The following RNF213 variants were observed in gnomAD, a reference collection of about 807,000 sequenced individuals.
The protein encoded by RNF213 is ring finger protein 213.
A neutral mutation model predicts 514.4 loss-of-function variants in RNF213; 341 were observed. The observed-to-expected ratio is 0.66, with a 90% confidence interval of 0.61 to 0.73. The LOEUF is 0.73. Among genes scored for constraint, RNF213 ranks in the 30% least tolerant of loss-of-function variants. The pLI, the probability that RNF213 is intolerant of heterozygous loss-of-function variation, is 0.00. For missense variants in RNF213, 5,767 were observed against 6,615.6 expected (o/e 0.87, Z 4.45); for synonymous variants, 2,655 against 2,658.2 (o/e 1.00, Z 0.04).
intron 2 of RNF213, among the ~76,000 whole-genome samples, chr17:80,273,034 C>CT (rs931464949): frequency 6.6e-6 from 1 of 152,102 alleles, no homozygotes; most frequent in Non-Finnish European, 1.5e-5. Context: ...TGATTCACCC[C>CT]TTGTTGTGCT....
chr17:80,300,358 C>T (rs534836776), intron 11 of RNF213, among the ~76,000 whole-genome samples: 2 of 151,348 alleles, frequency 1.3e-5, no homozygotes, highest in Non-Finnish European at 2.9e-5. Flanking sequence ...TCTGCCTCCT[C>T]GGCACAAGCG....
At chr17:80,356,964 T>C (rs980529393) in intron 36 of RNF213, among the ~76,000 whole-genome samples, 1 of 148,914 alleles carries the variant, frequency 6.7e-6, no homozygotes, top group Non-Finnish European at 1.5e-5. Context: ...TCGTCCCCCA[T>C]GCTGGAGTGC....
chr17:80,318,014 C>T (rs1306885886), intron 16 of RNF213, among the ~76,000 whole-genome samples: 1 of 152,144 alleles, frequency 6.6e-6, no homozygotes, highest in African/African-American at 2.4e-5. Context: ...GGGAATCTTC[C>T]TCTGGTCCAG....
At chr17:80,388,862 A>G (rs911520486) in intron 64 of RNF213, 173 bp downstream of exon 64, 5 of 672,038 alleles carry the variant, frequency 7.4e-6, no homozygotes, top group African/African-American at 1.8e-5. Flanking sequence ...TTTCTTGTAG[A>G]GTAAAAGCAG....
intron 3 of RNF213, among the ~76,000 whole-genome samples, chr17:80,283,780 G>A (rs114138189): frequency 0.013 from 1,934 of 152,338 alleles, 33 homozygotes; most frequent in African/African-American, 0.044. Flanking sequence ...GTGACTCGGC[G>A]GTCCAGAGCC....
Position 80,346,407 on chromosome 17 carries a change from T to C in RNF213, c.8072T>C (p.Val2691Ala), listed in dbSNP as rs771635323. ...TGGTCGTTGATGCTGGCCATCGGGG[T>C]GTGTTACCATGCCTCTTTAGAAAAG... ...VLWSLMLAIG[V>A]CYHASLEKKD... The change falls in exon 29 of 68, where the codon GTG becomes GCG. Residue 2691 changes from valine to alanine, a missense_variant. Val to Ala is a moderately conservative substitution (Grantham distance 64, BLOSUM62 0). Transcript: ENST00000582970. This position sits in a 1 kb window ranked among gnomAD's most constrained non-coding sequence, Gnocchi z 8.1. The C allele has an allele frequency of 6.2e-7, 1 of 1,612,362 alleles. No homozygotes were observed. Among genetic ancestry groups the C allele is most frequent in the Non-Finnish European group, 8.5e-7 (1 of 1,179,882 alleles).
At position 80,339,692 on chromosome 17, in the gene RNF213, G is replaced by C; in HGVS notation, c.5325G>C (p.Val1775=). Reference sequence around the variant, plus strand: ...TGCTCTTATCAGAGTTCAGCCTGGTGGACAAGCTGAGGATCATCATGGAGC... The same window carrying C: ...TGCTCTTATCAGAGTTCAGCCTGGTCGACAAGCTGAGGATCATCATGGAGC... ...PLMLLSEFSL[V]DKLRIIMEQS... Residue 1775 remains valine (V), a synonymous_variant, in exon 26 of 68, where the codon GTG becomes GTC. Transcript: ENST00000582970. The C allele has an allele frequency of 1.3e-6, 2 of 1,537,212 alleles. No individual in the cohort carries two copies. Among genetic ancestry groups the C allele is most frequent in the African/African-American group, 1.4e-5 (1 of 73,148 alleles).
At chr17:80,336,103 C>A in intron 22 of RNF213, 58 bp from the exon 23 acceptor site, 1 of 1,376,106 alleles carries the variant, frequency 7.3e-7, no homozygotes, top group Non-Finnish European at 1.0e-6. Context: ...TGCCCAAGAC[C>A]GAGTCTTGTG....
rs532400927 is a variant in RNF213, at chr17:80,361,074, C to T, written c.11201-660C>T. Among the ~76,000 whole-genome samples, 336 of 152,254 alleles carry T rather than the reference C, an allele frequency of 2.2e-3. 2 individuals carry two copies. The highest frequency in any genetic ancestry group is 4.1e-3 in the Admixed American group (63 of 15,304). ...CACTTGTTCCTAATTTACTTGGACC[C>T]GGGGGTTCCTGAAGCATGCTGTGAC... is the stretch of plus-strand genomic sequence containing the variant. On this transcript the variant is annotated intron_variant, in intron 38 of 67. Coordinates refer to ENST00000582970, the MANE Select transcript of RNF213 (RefSeq NM_001256071.3).
At chr17:80,355,603 A>G (rs1599107799) in intron 36 of RNF213, among the ~76,000 whole-genome samples, 4 of 48,810 alleles carry the variant, frequency 8.2e-5, no homozygotes, top group Non-Finnish European at 1.2e-4. Context: ...CTTACAGGGG[A>G]AGAAGCGGGG....
rs200673034 is a variant in RNF213, at chr17:80,382,275, AAGAC to A, written c.13978+550_13978+553del. ...ATCCATACAGAAAGAAAAGGTCTGT[AAGAC>A]AACTTAGTAAAATGGTTATATGGTT... On this transcript the variant is annotated intron_variant, in intron 57 of 67. Coordinates refer to ENST00000582970, the MANE Select transcript of RNF213 (RefSeq NM_001256071.3). The A allele has an allele frequency of 3.4e-3, 535 of 158,138 alleles. 8 individuals are homozygous for A. The highest frequency in any genetic ancestry group is 0.022 in the South Asian group (119 of 5,494). The allele number at this position is 158,138 out of a possible 1,614,324, so 9.8% of individuals were successfully genotyped here.
rs766234594 is a variant in RNF213 at position 80,379,739 on chromosome 17, C to T, written c.13640+25C>T. 24 of 1,601,122 alleles carry T rather than the reference C, an allele frequency of 1.5e-5. No individual in the cohort carries two copies. The South Asian group carries it at 2.6e-4, about 18-fold the overall frequency. ...AGTATGTGGGTCAGGATTCTATTTC[C>T]TAAGTACTCAAACTTTGGGGTGTTG... On this transcript the variant is annotated intron_variant, in intron 55 of 67. Transcript: ENST00000582970.
chr17:80,329,276 G>T (rs1187254314), intron 20 of RNF213, among the ~76,000 whole-genome samples: 1 of 152,258 alleles, frequency 6.6e-6, no homozygotes, highest in Non-Finnish European at 1.5e-5. Context: ...TCGAATCCTT[G>T]TGTGTCTAAA....
At position 80,369,425 on chromosome 17, in the gene RNF213, G is replaced by A. The variant is rs908607816; in HGVS notation, c.12156-77G>A. On this transcript the variant is annotated intron_variant, in intron 44 of 67. Transcript: ENST00000582970. ...AAAAAAAAAAAAAAAGTGAAATGCTGTGCAAATCTCAAGTCATTCTGTAAG... is the reference window on the plus strand; with the variant it reads ...AAAAAAAAAAAAAAAGTGAAATGCTATGCAAATCTCAAGTCATTCTGTAAG... The A allele has an allele frequency of 4.8e-6, 6 of 1,260,132 alleles. No individual in the cohort carries two copies. The East Asian group carries it at 1.4e-4, about 29-fold the overall frequency. 78.1% of individuals were successfully genotyped at this position (1,260,132 alleles called of 1,614,324 possible).
chr17:80,360,698 C>G (rs1272624994), intron 38 of RNF213, among the ~76,000 whole-genome samples: 1 of 152,230 alleles, frequency 6.6e-6, no homozygotes, highest in African/African-American at 2.4e-5. Context: ...AGCCCAGACA[C>G]AGTGCTGAGC....
At chr17:80,328,987 G>A (rs569360499) in intron 20 of RNF213, among the ~76,000 whole-genome samples, 6 of 152,214 alleles carry the variant, frequency 3.9e-5, no homozygotes, top group South Asian at 4.1e-4. Context: ...TTAATGATAC[G>A]CTGTTTTCAT....
At chr17:80,312,672 C>T (rs576366509) in intron 14 of RNF213, among the ~76,000 whole-genome samples, 14 of 152,316 alleles carry the variant, frequency 9.2e-5, no homozygotes, top group African/African-American at 3.4e-4. Flanking sequence ...CAGGGCCCCT[C>T]TCTGGGGCGT....
rs2046090170 is a variant in RNF213, at chr17:80,320,112, CCACAG to C, written c.3024+801_3024+805del. ...TAGTCACAGATATGTACAGTCATCA[CCACAG>C]TTAATGACAGAGCATTTTCATCACT... is the stretch of plus-strand genomic sequence containing the variant. On this transcript the variant is annotated intron_variant, in intron 17 of 67. Transcript: ENST00000582970. 13 of 660,860 alleles carry C rather than the reference CCACAG, an allele frequency of 2.0e-5. No individual in the cohort carries two copies. In the South Asian group the frequency reaches 5.2e-4, roughly 26 times the overall value. 40.9% of individuals were successfully genotyped at this position (660,860 alleles called of 1,614,324 possible). A position where few individuals can be genotyped will look rare whatever the true frequency, so the allele number is the denominator to read the frequency against.
intron 17 of RNF213, chr17:80,320,110 C>T: frequency 4.5e-6 from 3 of 671,286 alleles, no homozygotes; most frequent in Non-Finnish European, 5.6e-6. Context: ...GTACAGTCAT[C>T]ACCACAGTTA....
Sources: allele counts gnomAD v4.1 joint callset (sites outside exome capture counted in the v4.1 genomes callset), GRCh38; gene constraint gnomAD v4.1.1; non-coding constraint Gnocchi (gnomAD v3.1); transcripts MANE v1.5; gene names NCBI Gene and HGNC (gene_info 2026-07-23, HGNC 2026-07-21).